Variants in USP15 observed in about 807,000 individuals in gnomAD.
USP15 encodes the protein ubiquitin carboxyl-terminal hydrolase 15.
In USP15, 18 loss-of-function variants were observed where a neutral mutation model predicts 127.1. The ratio of observed to expected loss-of-function variants is 0.14; its 90% CI spans 0.10 to 0.21. USP15 has a LOEUF of 0.21. USP15 is among the 10% of genes least tolerant of loss of function. The pLI, the probability that USP15 is intolerant of heterozygous loss-of-function variation, is 1.00. For synonymous variants in USP15, 364 were observed against 393.7 expected (o/e 0.92, Z 0.89); for missense variants, 805 against 1,159.9 (o/e 0.69, Z 4.44).
intron 2 of USP15, among the ~76,000 whole-genome samples, chr12:62,297,386 G>A (rs2064162968): frequency 6.6e-6 from 1 of 152,104 alleles, no homozygotes; most frequent in African/African-American, 2.4e-5. Flanking sequence ...TTTGGTGGGG[G>A]CAGATAGGAA....
chr12:62,303,741 T>C (rs2064393005), intron 3 of USP15, among the ~76,000 whole-genome samples: 1 of 152,204 alleles, frequency 6.6e-6, no homozygotes, highest in Non-Finnish European at 1.5e-5. Context: ...TAACAATTTG[T>C]ATTTGTGTAT....
intron 6 of USP15, among the ~76,000 whole-genome samples, chr12:62,329,696 G>C (rs988818477): frequency 1.3e-5 from 2 of 152,108 alleles, no homozygotes; most frequent in Admixed American, 1.3e-4. Flanking sequence ...TGAGAAGATA[G>C]ACAAACTCAC....
intron 6 of USP15, among the ~76,000 whole-genome samples, chr12:62,331,641 A>T (rs1447893295): frequency 6.6e-6 from 1 of 152,178 alleles, no homozygotes; most frequent in Non-Finnish European, 1.5e-5. Flanking sequence ...GTCCTATTGT[A>T]TTGGCCCCAT....
At position 62,391,410 on chromosome 12, in the gene USP15, T is replaced by C; in HGVS notation, c.2214T>C (p.Asp738=). ...KDDTRHIRFD[D]RQLRLDERSF... ...ATACCAGGCATATAAGATTTGATGA[T>C]AGGCAGCTTAGGCTAGATGGTAAGT... is the stretch of plus-strand genomic sequence containing the variant. Residue 738 remains aspartate, a synonymous_variant, in exon 16 of 22, where the codon GAT becomes GAC. Transcript: ENST00000280377. 2 of 1,611,276 alleles carry C rather than the reference T, an allele frequency of 1.2e-6. No homozygotes were observed. The highest frequency in any genetic ancestry group is 1.7e-6 in the Non-Finnish European group (2 of 1,178,980).
At chr12:62,314,111 G>A (rs2064760134) in intron 3 of USP15, 1 of 625,176 alleles carries the variant, frequency 1.6e-6, no homozygotes. Context: ...TGGCTTGCAT[G>A]CTTAACAGCT....
intron 20 of USP15, among the ~76,000 whole-genome samples, chr12:62,397,892 A>G (rs1003433211): frequency 1.3e-5 from 2 of 151,420 alleles, no homozygotes; most frequent in African/African-American, 4.8e-5. Context: ...CCAGATTTCT[A>G]TCTTGTTAGT....
intron 4 of USP15, among the ~76,000 whole-genome samples, chr12:62,320,788 A>C (rs1196064225): frequency 6.6e-6 from 1 of 152,064 alleles, no homozygotes; most frequent in Non-Finnish European, 1.5e-5. Flanking sequence ...AACTACAACT[A>C]TTCTAAAATC....
chr12:62,375,822 A>G (rs1204235521), intron 8 of USP15, among the ~76,000 whole-genome samples: 1 of 152,182 alleles, frequency 6.6e-6, no homozygotes, highest in African/African-American at 2.4e-5. Context: ...AGAACCACAA[A>G]GCCAGTTCAA....
intron 8 of USP15, among the ~76,000 whole-genome samples, chr12:62,363,098 A>G (rs1195042160): frequency 1.3e-5 from 2 of 152,164 alleles, no homozygotes; most frequent in Non-Finnish European, 2.9e-5. Context: ...TTTTAATGTT[A>G]CAAAGGCACT....
At chr12:62,368,393 A>C (rs796526963) in intron 8 of USP15, among the ~76,000 whole-genome samples, 31 of 152,256 alleles carry the variant, frequency 2.0e-4, no homozygotes, top group African/African-American at 7.5e-4. Flanking sequence ...TGATCTGTCT[A>C]ATATTAACAG....
intron 21 of USP15, 43 bp from the exon 22 acceptor site, chr12:62,404,150 T>A (rs2067789532): frequency 6.6e-7 from 1 of 1,512,970 alleles, no homozygotes; most frequent in Non-Finnish European, 8.9e-7. Context: ...TTTAACGTGA[T>A]CTTTGAGAAT....
At chr12:62,323,781 A>G (rs1421523034) in intron 5 of USP15, among the ~76,000 whole-genome samples, 1 of 152,178 alleles carries the variant, frequency 6.6e-6, no homozygotes, top group African/African-American at 2.4e-5. Context: ...TTCATCGTGT[A>G]CATTAGAAAA....
chr12:62,404,391 C>G lies in USP15; in HGVS notation c.*16C>G. Reference sequence around the variant, plus strand: ...CACTAACTAATGAAAGTCCTAGAAGCCATAAAAGAGACACTTTCCTGCTGG... The same window carrying G: ...CACTAACTAATGAAAGTCCTAGAAGGCATAAAAGAGACACTTTCCTGCTGG... On this transcript the variant is annotated 3_prime_UTR_variant, in exon 22 of 22. Coordinates refer to ENST00000280377, the MANE Select transcript of USP15 (RefSeq NM_001252078.2). The G allele has an allele frequency of 6.4e-7, 1 of 1,554,014 alleles. No homozygotes were observed.
At chr12:62,349,917 T>C (rs1299755138) in intron 7 of USP15, among the ~76,000 whole-genome samples, 1 of 151,994 alleles carries the variant, frequency 6.6e-6, no homozygotes, top group Non-Finnish European at 1.5e-5. Flanking sequence ...ACCTTGAACA[T>C]TGACATGTTT....
At chr12:62,351,829 T>C (rs1239544880) in intron 7 of USP15, among the ~76,000 whole-genome samples, 3 of 152,122 alleles carry the variant, frequency 2.0e-5, no homozygotes, top group African/African-American at 7.2e-5. Context: ...TACATTTTTA[T>C]GTAAGGATTA....
At chr12:62,349,403 A>G in intron 7 of USP15, 96 bp downstream of exon 7, 1 of 722,006 alleles carries the variant, frequency 1.4e-6, no homozygotes, top group Non-Finnish European at 2.0e-6. Flanking sequence ...AAAAGTCTTA[A>G]TGCATTAAAA....
At chr12:62,272,281 G>T (rs1454558608) in intron 1 of USP15, among the ~76,000 whole-genome samples, 1 of 151,842 alleles carries the variant, frequency 6.6e-6, no homozygotes, top group Non-Finnish European at 1.5e-5. Flanking sequence ...GTGCTACATT[G>T]GATTAGGCTG....
intron 6 of USP15, among the ~76,000 whole-genome samples, chr12:62,332,543 G>T (rs534841329): frequency 6.6e-6 from 1 of 152,128 alleles, no homozygotes; most frequent in African/African-American, 2.4e-5. Context: ...GGTTCCTAAA[G>T]AGAAAATTTG....
At position 62,294,271 on chromosome 12, in the gene USP15, A is replaced by G. The variant is rs763284082; in HGVS notation, c.182A>G (p.Tyr61Cys). ...DKYQMGDQNV[Y>C]PGPIDNSGLL... ...TACCAGATGGGAGATCAAAATGTGT[A>G]TCCTGGACCCATTGATAACTCTGGA... Residue 61 changes from tyrosine to cysteine, a missense_variant, in exon 2 of 22, where the codon TAT becomes TGT. Around this residue, in one of 11 missense-constraint regions of USP15, gnomAD observed 69 missense variants for 126.4 expected, o/e 0.55. Coordinates refer to ENST00000280377, the MANE Select transcript of USP15 (RefSeq NM_001252078.2). 6.2e-7 allele frequency: 1 copy of G among 1,612,986 alleles called. No homozygotes were observed. The highest frequency in any genetic ancestry group is 8.5e-7 in the Non-Finnish European group (1 of 1,179,616).
Sources: allele counts gnomAD v4.1 joint callset (sites outside exome capture counted in the v4.1 genomes callset), GRCh38; gene constraint gnomAD v4.1.1; regional missense constraint gnomAD v4.1.1; transcripts MANE v1.5; gene names NCBI Gene and HGNC (gene_info 2026-07-23, HGNC 2026-07-21).